The following FSCN2 variants were observed in gnomAD, a reference collection of about 807,000 sequenced individuals.
FSCN2 encodes the protein fascin-2.
In FSCN2, 46 loss-of-function variants were observed where a neutral mutation model predicts 37.8. That is an observed-to-expected ratio of 1.22 (90% CI 0.96 to 1.56). The LOEUF is 1.56. Ranked by LOEUF, FSCN2 falls within the 40% of genes most tolerant of loss-of-function variation. FSCN2 has a pLI of 0.00. For synonymous variants in FSCN2, 351 were observed against 309.4 expected, an observed-to-expected ratio of 1.13 and a Z score of -1.41; for missense variants, 844 against 730.4, an observed-to-expected ratio of 1.16 and a Z score of -1.79.
upstream of FSCN2, among the ~76,000 whole-genome samples, chr17:81,524,970 C>T (rs1467579656): frequency 1.3e-5 from 2 of 151,860 alleles, no homozygotes; most frequent in East Asian, 3.9e-4. Flanking sequence ...AGGCTCAGCC[C>T]ATCATACAAG....
chr17:81,521,718 A>T, the FSCN2 span, among the ~76,000 whole-genome samples: 19 of 152,012 alleles, frequency 1.2e-4, no homozygotes, highest in Admixed American at 1.1e-3. Flanking sequence ...ATCTTGACAC[A>T]TTTGCTTATC....
At chr17:81,516,209 G>A in the FSCN2 span, among the ~76,000 whole-genome samples, 5 of 152,232 alleles carry the variant, frequency 3.3e-5, no homozygotes, top group Non-Finnish European at 7.3e-5. Context: ...GAACAGTGGT[G>A]GAAGAACTAG....
chr17:81,533,106 C>T (rs547502591), intron 1 of FSCN2, among the ~76,000 whole-genome samples: 1 of 152,288 alleles, frequency 6.6e-6, no homozygotes, highest in Non-Finnish European at 1.5e-5. Flanking sequence ...GCCATAGCAT[C>T]ACCCCTACCC....
rs1029238707 is a variant in FSCN2 at position 81,536,802 on chromosome 17, G to C, written c.1273+13G>C. 1.4e-5 allele frequency: 22 copies of C among 1,574,668 alleles called. No homozygotes were observed. The highest frequency in any genetic ancestry group is 1.9e-5 in the Non-Finnish European group (22 of 1,157,946). ...TACCGGATCCGAGGTGCGTGGCGGG[G>C]CGGGTGGGCACGCGGGAGCGGGGGT... On this transcript the variant is annotated intron_variant, in intron 4 of 4. Transcript: ENST00000417245.
At chr17:81,532,167 ATGGTGGTGGTGATGG>A (rs2032680773) in intron 1 of FSCN2, among the ~76,000 whole-genome samples, 1 of 121,522 alleles carries the variant, frequency 8.2e-6, no homozygotes. Context: ...GATGATGGTG[ATGGTGGTGGTGATGG>A]TGGTGGTGAT....
rs781923691 is a variant in FSCN2 at position 81,528,662 on chromosome 17, A to C, written c.131A>C (p.Gln44Pro). 6.2e-7 allele frequency: 1 copy of C among 1,602,588 alleles called. No individual in the cohort carries two copies. Among genetic ancestry groups the C allele is most frequent in the Non-Finnish European group, 8.5e-7 (1 of 1,175,400 alleles). The change falls in exon 1 of 5, where the codon CAG becomes CCG. Residue 44 changes from glutamine to proline, a missense_variant. Physicochemically the swap from Gln to Pro is moderately conservative, Grantham distance 76. Transcript: ENST00000417245. ...NASAPSLKRKQTWVLEPDPGQ... is the reference protein window; with the variant it reads ...NASAPSLKRKPTWVLEPDPGQ... ...TCGGCACCCAGCCTCAAGAGGAAGC[A>C]GACCTGGGTGCTGGAACCCGACCCA...
upstream of FSCN2, chr17:81,523,891 CAT>C (rs2032274315): frequency 6.6e-6 from 1 of 152,414 alleles, no homozygotes; most frequent in Non-Finnish European, 1.5e-5. Context: ...ACACCACCAG[CAT>C]CAGCGTTGCA....
chr17:81,516,617 C>T, the FSCN2 span, among the ~76,000 whole-genome samples: 5 of 152,224 alleles, frequency 3.3e-5, no homozygotes, highest in Non-Finnish European at 7.3e-5. Flanking sequence ...TTTCCTGCAA[C>T]TCGGCCTGGC....
chr17:81,529,805 C>T (rs1555670965), intron 1 of FSCN2, among the ~76,000 whole-genome samples: 1 of 152,138 alleles, frequency 6.6e-6, no homozygotes, highest in African/African-American at 2.4e-5. Flanking sequence ...ATTTTCTGGA[C>T]TTCATTTATT....
chr17:81,536,791 TGCGTG>T lies in FSCN2; in HGVS notation c.1273+6_1273+10del, dbSNP rs2032894811. On this transcript the variant is annotated splice_donor_5th_base_variant and intron_variant, in intron 4 of 4. Transcript: ENST00000417245. Reference sequence around the variant, plus strand: ...GCGACGGCGCCTACCGGATCCGAGGTGCGTGGCGGGGCGGGTGGGCACGCGGGAGC... The same window carrying T: ...GCGACGGCGCCTACCGGATCCGAGGTGCGGGGCGGGTGGGCACGCGGGAGC... 4 of 1,549,450 alleles carry T rather than the reference TGCGTG, an allele frequency of 2.6e-6. No homozygotes were observed. Among genetic ancestry groups the T allele is most frequent in the East Asian group, 2.4e-5 (1 of 41,638 alleles).
At position 81,531,303 on chromosome 17, in the gene FSCN2, A is replaced by G. The variant is rs868988323; in HGVS notation, c.826+1946A>G. Among the ~76,000 whole-genome samples the G allele has an allele frequency of 5.7e-3, 210 of 37,164 alleles. 7 individuals carry two copies. In the South Asian group the frequency reaches 0.066, roughly 12 times the overall value. The allele number at this position is 37,164 out of a possible 152,430, so 24.4% of individuals were successfully genotyped here. A position where few individuals can be genotyped will look rare whatever the true frequency, so the allele number is the denominator to read the frequency against. ...GGTGATGGTGATGGTGGTGATGGTG[A>G]TGGTGGTGGTGGTGATGATGGTGGT... On this transcript the variant is annotated intron_variant, in intron 1 of 4. Coordinates refer to ENST00000417245, the MANE Select transcript of FSCN2 (RefSeq NM_012418.4).
At chr17:81,517,520 G>A in the FSCN2 span, among the ~76,000 whole-genome samples, 2 of 152,192 alleles carry the variant, frequency 1.3e-5, no homozygotes, top group African/African-American at 4.8e-5. Flanking sequence ...AGTTTTCGGT[G>A]ATGAGTAAGA....
chr17:81,530,062 G>A (rs1334679419), intron 1 of FSCN2: 3 of 243,098 alleles, frequency 1.2e-5, no homozygotes, highest in Admixed American at 1.1e-4. Context: ...TGTCCACCTC[G>A]GCCTCCCAAA....
At chr17:81,527,995 C>T (rs919871488), upstream of FSCN2, among the ~76,000 whole-genome samples, 3 of 152,026 alleles carry the variant, frequency 2.0e-5, no homozygotes, top group South Asian at 4.1e-4. Flanking sequence ...ACCGAGGGTA[C>T]GGGCGGCGAT....
chr17:81,528,065 G>C (rs1555670383), upstream of FSCN2, among the ~76,000 whole-genome samples: 1 of 151,440 alleles, frequency 6.6e-6, no homozygotes, highest in Non-Finnish European at 1.5e-5. Context: ...GAAGGGCTGG[G>C]CCGGGCCGGG....
chr17:81,515,651 T>C, the FSCN2 span, among the ~76,000 whole-genome samples: 1 of 152,222 alleles, frequency 6.6e-6, no homozygotes, highest in Admixed American at 6.5e-5. Context: ...CTCCTTGCCC[T>C]GTTCCTCCCT....
chr17:81,515,694 C>T, the FSCN2 span, among the ~76,000 whole-genome samples: 1 of 152,228 alleles, frequency 6.6e-6, no homozygotes, highest in Non-Finnish European at 1.5e-5. Context: ...CTCTGGGTCA[C>T]CTCCACACCA....
At chr17:81,531,959 GGTGATA>G (rs1395936691) in intron 1 of FSCN2, among the ~76,000 whole-genome samples, 4 of 142,372 alleles carry the variant, frequency 2.8e-5, no homozygotes, top group Admixed American at 6.9e-5. Context: ...TGATGGTGAT[GGTGATA>G]GTGATGATAA....
intron 1 of FSCN2, among the ~76,000 whole-genome samples, chr17:81,533,696 G>C (rs553839456): frequency 2.6e-5 from 4 of 152,338 alleles, no homozygotes; most frequent in African/African-American, 9.6e-5. Flanking sequence ...CCTCTGGAGG[G>C]GGGTAAAACC....
Sources: gnomAD v4.1 joint callset for allele counts (sites outside exome capture counted in the v4.1 genomes callset) on GRCh38, gnomAD v4.1.1 for gene constraint, MANE v1.5 for transcripts, NCBI Gene and HGNC (gene_info 2026-07-23, HGNC 2026-07-21) for gene names.